The following VPS53 variants were observed in gnomAD, a reference collection of about 807,000 sequenced individuals.
VPS53 encodes vacuolar protein sorting-associated protein 53 homolog.
A neutral mutation model predicts 107.0 loss-of-function variants in VPS53; 70 were observed. That is an observed-to-expected ratio of 0.65 (90% CI 0.54 to 0.80). The LOEUF is 0.80. VPS53 is among the 30% of genes least tolerant of loss of function. The pLI is 0.00. For missense variants in VPS53, 917 were observed against 1,049.4 expected (o/e 0.87, Z 1.74); for synonymous variants, 409 against 393.3 (o/e 1.04, Z -0.47).
intron 17 of VPS53, among the ~76,000 whole-genome samples, chr17:543,851 AGGAG>A (rs1910917827): frequency 1.6e-4 from 2 of 12,712 alleles, no homozygotes; most frequent in Admixed American, 9.4e-4. Context: ...GAGGGAGGGA[AGGAG>A]GGAAGGAGGG....
chr17:657,345 C>T (rs1331439693), intron 5 of VPS53: 10 of 760,764 alleles, frequency 1.3e-5, no homozygotes, highest in East Asian at 9.8e-5. Flanking sequence ...TATATCAGTT[C>T]GGACCGTGCC....
At chr17:631,292 T>G (rs1198114539) in intron 8 of VPS53, among the ~76,000 whole-genome samples, 1 of 151,314 alleles carries the variant, frequency 6.6e-6, no homozygotes, top group Admixed American at 6.6e-5. Context: ...GCATACAAGA[T>G]AGACGGTTTG....
At chr17:611,102 C>G (rs1968849589) in intron 11 of VPS53, among the ~76,000 whole-genome samples, 1 of 152,062 alleles carries the variant, frequency 6.6e-6, no homozygotes, top group South Asian at 2.1e-4. Context: ...AAACCTCCAC[C>G]TCCTGGGTTC....
chr17:634,223 T>G (rs545125443), intron 7 of VPS53, among the ~76,000 whole-genome samples: 1 of 150,824 alleles, frequency 6.6e-6, no homozygotes, highest in Non-Finnish European at 1.5e-5. Flanking sequence ...TTCCCTACTC[T>G]GAATTCTTGG....
chr17:656,967 C>T (rs192271705), intron 5 of VPS53: 17 of 970,534 alleles, frequency 1.8e-5, no homozygotes, highest in Admixed American at 8.7e-5. Flanking sequence ...ACATGAACCA[C>T]GTCAGAAGAT....
At chr17:605,084 AG>A (rs78041170) in intron 11 of VPS53, among the ~76,000 whole-genome samples, 16,001 of 152,186 alleles carry the variant, frequency 0.11, 899 homozygotes, top group East Asian at 0.21. Context: ...CCAGAGCTGA[AG>A]GATGCCTCAG....
rs554054865 is a variant in VPS53 at position 671,108 on chromosome 17, G to C, written c.286-9213C>G. 2.5e-4 allele frequency among the ~76,000 whole-genome samples: 38 copies of C among 152,230 alleles called. 1 individual carries two copies. The highest frequency in any genetic ancestry group is 2.4e-3 in the Admixed American group (36 of 15,290). On this transcript the variant is annotated intron_variant, in intron 4 of 21. Transcript: ENST00000437048. ...TAGCCAGCCATCATGGTACACACCTGTAATCCCAGCTACTGGGGAGGATGA... is the reference window on the plus strand; with the variant it reads ...TAGCCAGCCATCATGGTACACACCTCTAATCCCAGCTACTGGGGAGGATGA...
In VPS53 at chr17:576,333, G is replaced by A. The variant is rs72477031; in HGVS notation, c.1313+9937C>T. Among the ~76,000 whole-genome samples, 322 of 151,352 alleles carry A rather than the reference G, an allele frequency of 2.1e-3. 9 individuals carry two copies. The East Asian group carries it at 0.055, about 26-fold the overall frequency. On this transcript the variant is annotated intron_variant, in intron 13 of 21. Coordinates refer to ENST00000437048, the MANE Select transcript of VPS53 (RefSeq NM_001128159.3). ...CAAAGAACTTCCCTCAGAACCTAACGCTTTCCCAGACAACCTCCCTCAGGA... is the reference window on the plus strand; with the variant it reads ...CAAAGAACTTCCCTCAGAACCTAACACTTTCCCAGACAACCTCCCTCAGGA...
Position 560,698 on chromosome 17 carries a change from A to C in VPS53, c.1557-125T>G, listed in dbSNP as rs540366171. 67 of 1,100,488 alleles carry C rather than the reference A, an allele frequency of 6.1e-5. 1 individual carries two copies. In the Admixed American group the frequency reaches 1.7e-3, roughly 27 times the overall value. 68.2% of individuals were successfully genotyped at this position (1,100,488 alleles called of 1,614,324 possible). A position where few individuals can be genotyped will look rare whatever the true frequency, so the allele number is the denominator to read the frequency against. On this transcript the variant is annotated intron_variant, in intron 14 of 21. Transcript: ENST00000437048. The stretch of plus-strand genomic sequence containing the variant: ...GGCTGGACATGGCCCAAATCAATTC[A>C]CATACAATGAGTCCTTTTCCTACTG...
In VPS53 at chr17:542,121, C is replaced by T. The variant is rs113119946; in HGVS notation, c.1867-4945G>A. Among the ~76,000 whole-genome samples, 69 of 151,376 alleles carry T rather than the reference C, an allele frequency of 4.6e-4. No homozygotes were observed. The East Asian group carries it at 7.6e-3, about 17-fold the overall frequency. Reference sequence around the variant, plus strand: ...TACTACGCACTGGGCGCTGAAGGAACGTTTATCAAGCACCTACCACGTAAC... The same window carrying T: ...TACTACGCACTGGGCGCTGAAGGAATGTTTATCAAGCACCTACCACGTAAC... On this transcript the variant is annotated intron_variant, in intron 17 of 21. Coordinates refer to ENST00000437048, the MANE Select transcript of VPS53 (RefSeq NM_001128159.3).
intron 4 of VPS53, among the ~76,000 whole-genome samples, chr17:667,661 G>C (rs1013486104): frequency 2.2e-5 from 3 of 137,820 alleles, no homozygotes; most frequent in East Asian, 2.6e-4. Context: ...GTTCTGGGGG[G>C]GGGGGCAATG....
chr17:537,106 T>C lies in VPS53; in HGVS notation c.1937A>G (p.Lys646Arg). 2 of 1,614,182 alleles carry C rather than the reference T, an allele frequency of 1.2e-6. No individual in the cohort carries two copies. Among genetic ancestry groups the C allele is most frequent in the Non-Finnish European group, 1.7e-6 (2 of 1,180,034 alleles). Residue 646 changes from lysine (K) to arginine (R), a missense_variant, in exon 18 of 22, where the codon AAG becomes AGG. Physicochemically the swap from Lys to Arg is conservative, Grantham distance 26. Coordinates refer to ENST00000437048, the MANE Select transcript of VPS53 (RefSeq NM_001128159.3). ...GTCACGGATGATGGGGACGTTCTGCTTGATGTGCAGAATGACAGAGGTGAC... is the reference window on the plus strand; with the variant it reads ...GTCACGGATGATGGGGACGTTCTGCCTGATGTGCAGAATGACAGAGGTGAC... ...PYVTSVILHI[K>R]QNVPIIRDNL...
intron 11 of VPS53, among the ~76,000 whole-genome samples, chr17:606,206 G>C (rs1968571631): frequency 1.3e-5 from 2 of 152,126 alleles, no homozygotes; most frequent in South Asian, 4.1e-4. Flanking sequence ...AATGAAAGGA[G>C]TGAAGGGACA....
intron 4 of VPS53, among the ~76,000 whole-genome samples, chr17:675,909 C>T (rs1027279495): frequency 5.9e-5 from 9 of 151,896 alleles, no homozygotes; most frequent in South Asian, 4.2e-4. Context: ...ACATACAATA[C>T]CTAGAAACGA....
At chr17:535,971 T>G (rs575350508) in intron 18 of VPS53, among the ~76,000 whole-genome samples, 3 of 152,206 alleles carry the variant, frequency 2.0e-5, no homozygotes, top group Admixed American at 2.0e-4. Flanking sequence ...CCAAATACAG[T>G]AGCTTGGCCT....
intron 7 of VPS53, among the ~76,000 whole-genome samples, chr17:633,031 G>C (rs1004720496): frequency 8.5e-5 from 13 of 152,200 alleles, no homozygotes; most frequent in Admixed American, 6.5e-4. Context: ...AGGAAAACCA[G>C]CTAGAAAGGG....
At chr17:698,352 G>C (rs553164443) in intron 3 of VPS53, among the ~76,000 whole-genome samples, 3 of 150,790 alleles carry the variant, frequency 2.0e-5, no homozygotes, top group Non-Finnish European at 4.4e-5. Context: ...AGAATTGCTC[G>C]AACCTGGGAG....
intron 1 of VPS53, among the ~76,000 whole-genome samples, chr17:713,170 C>G (rs750813602): frequency 6.6e-6 from 1 of 151,726 alleles, no homozygotes; most frequent in Non-Finnish European, 1.5e-5. Flanking sequence ...CCACTGTACT[C>G]CAGCCTGGAC....
At chr17:529,514 G>A (rs553200389) in intron 19 of VPS53, among the ~76,000 whole-genome samples, 92 of 151,924 alleles carry the variant, frequency 6.1e-4, no homozygotes, top group Non-Finnish European at 1.1e-3. Context: ...ATAATTTGCC[G>A]CTTTTTAAAT....
Sources: gnomAD v4.1 joint callset for allele counts (sites outside exome capture counted in the v4.1 genomes callset) on GRCh38, gnomAD v4.1.1 for gene constraint, MANE v1.5 for transcripts, NCBI Gene and HGNC (gene_info 2026-07-23, HGNC 2026-07-21) for gene names.